CYP2C19: variants seen among roughly 807,000 people sequenced by gnomAD.
CYP2C19 encodes the protein cytochrome P450 2C19.
In CYP2C19, 59 loss-of-function variants were observed where a neutral mutation model predicts 40.9. The observed-to-expected ratio is 1.44, with a 90% CI of 1.17 to 1.79. CYP2C19 has a LOEUF of 1.79. CYP2C19 is among the 40% of genes most tolerant of loss of function. CYP2C19 has a pLI of 0.00. For synonymous variants in CYP2C19, 253 were observed against 208.7 expected (o/e 1.21, Z -1.83); for missense variants, 754 against 596.9 (o/e 1.26, Z -2.74).
intron 5 of CYP2C19, among the ~76,000 whole-genome samples, chr10:94,786,103 T>C (rs1249210362): frequency 1.3e-5 from 2 of 152,054 alleles, no homozygotes; most frequent in Non-Finnish European, 2.9e-5. Context: ...TTTTCTCCTT[T>C]CTTCTGTTAT....
chr10:94,777,970 C>A (rs923676433), intron 3 of CYP2C19, among the ~76,000 whole-genome samples: 6 of 150,954 alleles, frequency 4.0e-5, no homozygotes, highest in Admixed American at 6.6e-5. Context: ...ACAACAACAA[C>A]AAAAAAAAAC....
chr10:94,848,361 C>G (rs1044941546), intron 7 of CYP2C19, among the ~76,000 whole-genome samples: 10 of 152,116 alleles, frequency 6.6e-5, no homozygotes, highest in Non-Finnish European at 1.2e-4. Context: ...TTGTTTTTGT[C>G]AAGTTTGTCA....
chr10:94,773,767 AGACC>A (rs1848367509), intron 1 of CYP2C19: 1 of 152,248 alleles, frequency 6.6e-6, no homozygotes, highest in Admixed American at 6.5e-5. Context: ...AAGGTAGTGA[AGACC>A]CAAAGAGTGA....
At position 94,852,385 on chromosome 10, in the gene CYP2C19, A is replaced by G. The variant is rs17879918; in HGVS notation, c.1292-348A>G. 5.8e-3 allele frequency among the ~76,000 whole-genome samples: 877 copies of G among 152,312 alleles called. 7 individuals are homozygous for G. Among genetic ancestry groups the G allele is most frequent in the African/African-American group, 0.02 (842 of 41,566 alleles). ...CCCTTCTCAGTTCAACCCACTGGAC[A>G]GGTAATGTATGTTTCTCAAGAAAGA... On this transcript the variant is annotated intron_variant, in intron 8 of 8. Coordinates refer to ENST00000371321, the MANE Select transcript of CYP2C19 (RefSeq NM_000769.4).
rs1848195903 is a variant in CYP2C19, at chr10:94,763,157, C to T, written c.168+284C>T. 1.3e-5 allele frequency among the ~76,000 whole-genome samples: 2 copies of T among 152,016 alleles called. 1 individual carries two copies. Among genetic ancestry groups the T allele is most frequent in the South Asian group, 4.2e-4 (2 of 4,818 alleles). On this transcript the variant is annotated intron_variant, in intron 1 of 8. Transcript: ENST00000371321. The stretch of plus-strand genomic sequence containing the variant: ...TCCTTCTTTATTTCATAGCCATTTG[C>T]TAGAATTTTTGGCTGAGGGTAAACA...
chr10:94,780,573 C>T lies in CYP2C19; in HGVS notation c.556C>T (p.Arg186Cys), dbSNP rs183701923. ...GATCTGCTCCATTATTTTCCAGAAA[C>T]GTTTCGATTATAAAGATCAGCAATT... is the stretch of plus-strand genomic sequence containing the variant. ...NVICSIIFQKRFDYKDQQFLN... is the reference protein window; with the variant it reads ...NVICSIIFQKCFDYKDQQFLN... The change falls in exon 4 of 9, where the codon CGT becomes TGT. Residue 186 changes from arginine (R) to cysteine (C), a missense_variant. Coordinates refer to ENST00000371321, the MANE Select transcript of CYP2C19 (RefSeq NM_000769.4). 1.0e-4 allele frequency: 162 copies of T among 1,613,818 alleles called. 1 individual carries two copies. The highest frequency in any genetic ancestry group is 3.2e-4 in the South Asian group (29 of 91,074).
At chr10:94,769,426 C>T (rs996746533) in intron 1 of CYP2C19, among the ~76,000 whole-genome samples, 9 of 152,132 alleles carry the variant, frequency 5.9e-5, no homozygotes, top group African/African-American at 2.2e-4. Flanking sequence ...AAGTGGGAGT[C>T]AGAGTGCAGG....
In CYP2C19 at chr10:94,837,993, A is replaced by G. The variant is rs140668032; in HGVS notation, c.962-4844A>G. Among the ~76,000 whole-genome samples, 471 of 152,180 alleles carry G rather than the reference A, an allele frequency of 3.1e-3. 3 individuals are homozygous for G. Among genetic ancestry groups the G allele is most frequent in the African/African-American group, 0.011 (448 of 41,504 alleles). On this transcript the variant is annotated intron_variant, in intron 6 of 8. Coordinates refer to ENST00000371321, the MANE Select transcript of CYP2C19 (RefSeq NM_000769.4). The stretch of plus-strand genomic sequence containing the variant: ...TGGAAGCAAGCCCTATTAGACATAT[A>G]ATTTTCCCAACTTTTCCCTTTTCCA...
chr10:94,800,860 C>T (rs1848754098), intron 5 of CYP2C19, among the ~76,000 whole-genome samples: 1 of 152,192 alleles, frequency 6.6e-6, no homozygotes, highest in African/African-American at 2.4e-5. Flanking sequence ...CTGCCTGTTG[C>T]TAAGACCATG....
chr10:94,776,738 A>G (rs951138704), intron 3 of CYP2C19, among the ~76,000 whole-genome samples: 3 of 152,160 alleles, frequency 2.0e-5, no homozygotes, highest in African/African-American at 7.2e-5. Context: ...TGAAAACCAG[A>G]GCAAGACAAA....
chr10:94,800,014 A>G (rs941535890), intron 5 of CYP2C19, among the ~76,000 whole-genome samples: 1 of 152,144 alleles, frequency 6.6e-6, no homozygotes, highest in African/African-American at 2.4e-5. Flanking sequence ...TCAACTCATC[A>G]AAGTCATGCT....
intron 6 of CYP2C19, among the ~76,000 whole-genome samples, chr10:94,830,956 A>G (rs777804732): frequency 6.6e-6 from 1 of 152,186 alleles, no homozygotes; most frequent in African/African-American, 2.4e-5. Flanking sequence ...TTAAGTTATT[A>G]TTGACCATAG....
rs1410213756 is a variant in CYP2C19 at position 94,775,124 on chromosome 10, G to T, written c.235G>T (p.Gly79Ter). The change falls in exon 2 of 9, where the codon GGA (glycine) becomes TGA (stop). Residue 79 changes from glycine (G) to a stop codon, truncating the protein, a stop_gained. Transcript: ENST00000371321. LOFTEE classifies it high-confidence loss of function. ...CCTGGAACGCATGGTGGTGCTGCAT[G>T]GATATGAAGTGGTGAAGGAAGCCCT... ...FGLERMVVLH[G>*]YEVVKEALID... 6.2e-7 allele frequency: 1 copy of T among 1,614,018 alleles called. No individual in the cohort carries two copies. The highest frequency in any genetic ancestry group is 2.2e-5 in the East Asian group (1 of 44,892).
At chr10:94,841,554 C>G (rs1027564646) in intron 6 of CYP2C19, among the ~76,000 whole-genome samples, 1 of 152,148 alleles carries the variant, frequency 6.6e-6, no homozygotes, top group African/African-American at 2.4e-5. Context: ...TTTGCTCTTG[C>G]TTATCTAATT....
chr10:94,843,108 G>A lies in CYP2C19; in HGVS notation c.1149+84G>A, dbSNP rs974966268. On this transcript the variant is annotated intron_variant, in intron 7 of 8. Coordinates refer to ENST00000371321, the MANE Select transcript of CYP2C19 (RefSeq NM_000769.4). Reference sequence around the variant, plus strand: ...ATGATTCTTACCCTCTACCATCACTGGGTGAGAGAAGTGCATTACTCCTAT... The same window carrying A: ...ATGATTCTTACCCTCTACCATCACTAGGTGAGAGAAGTGCATTACTCCTAT... The A allele has an allele frequency of 6.1e-5, 94 of 1,538,840 alleles. No individual in the cohort carries two copies. The East Asian group carries it at 1.8e-3, about 29-fold the overall frequency.
chr10:94,797,347 T>C (rs942308272), intron 5 of CYP2C19, among the ~76,000 whole-genome samples: 1 of 152,142 alleles, frequency 6.6e-6, no homozygotes, highest in African/African-American at 2.4e-5. Context: ...GAAGCCAACT[T>C]GATTGTGGTG....
At chr10:94,836,041 T>C (rs1849398694) in intron 6 of CYP2C19, among the ~76,000 whole-genome samples, 1 of 152,218 alleles carries the variant, frequency 6.6e-6, no homozygotes, top group Admixed American at 6.5e-5. Flanking sequence ...ACAGTTATGT[T>C]CTATCTTTTC....
chr10:94,774,545 T>C (rs901317134), intron 1 of CYP2C19: 12 of 163,242 alleles, frequency 7.4e-5, no homozygotes, highest in Admixed American at 3.5e-4. Context: ...CTAGGTGGAT[T>C]CCATAGAGAG....
chr10:94,811,463 C>A (rs1676642861), intron 5 of CYP2C19, among the ~76,000 whole-genome samples: 1 of 151,982 alleles, frequency 6.6e-6, no homozygotes, highest in Non-Finnish European at 1.5e-5. Flanking sequence ...ATTGATCTGT[C>A]TAATATTGAC....
Sources: allele counts gnomAD v4.1 joint callset (sites outside exome capture counted in the v4.1 genomes callset), GRCh38; gene constraint gnomAD v4.1.1; transcripts MANE v1.5; gene names NCBI Gene and HGNC (gene_info 2026-07-23, HGNC 2026-07-21).